FOXN3: variants seen among roughly 807,000 people sequenced by gnomAD.
The protein encoded by FOXN3 is forkhead box N3, also known as forkhead box protein N3.
Under a neutral mutation model 38.4 loss-of-function variants are expected in FOXN3, and 7 were observed. That is an observed-to-expected ratio of 0.18 (90% CI 0.10 to 0.34). The LOEUF is 0.34. FOXN3 is among the 10% of genes least tolerant of loss of function. The probability of loss-of-function intolerance (pLI) is 1.00; values close to 1 mark genes in which losing one functional copy is unlikely to be tolerated. For synonymous variants in FOXN3, 230 were observed against 242.2 expected, an observed-to-expected ratio of 0.95 and a Z score of 0.47; for missense variants, 456 against 613.4, an observed-to-expected ratio of 0.74 and a Z score of 2.71.
At chr14:89,538,526 T>C (rs1894732756) in intron 1 of FOXN3, among the ~76,000 whole-genome samples, 1 of 152,244 alleles carries the variant, frequency 6.6e-6, no homozygotes, top group African/African-American at 2.4e-5. Context: ...TTTCTCTTTT[T>C]TTCTTTTTTA....
At chr14:89,245,476 G>A (rs1374590493) in intron 4 of FOXN3, among the ~76,000 whole-genome samples, 2 of 148,554 alleles carry the variant, frequency 1.3e-5, no homozygotes, top group African/African-American at 2.5e-5. Context: ...AGGCATTGGA[G>A]AAAAAAAAAA....
intron 2 of FOXN3, among the ~76,000 whole-genome samples, chr14:89,374,560 G>A (rs891982570): frequency 3.3e-5 from 5 of 152,056 alleles, no homozygotes; most frequent in Non-Finnish European, 5.9e-5. Context: ...ACAAATTATG[G>A]TATGTTCATA....
intron 1 of FOXN3, among the ~76,000 whole-genome samples, chr14:89,456,479 TGCAGTG>T (rs1892729254): frequency 6.6e-6 from 1 of 151,786 alleles, no homozygotes; most frequent in Non-Finnish European, 1.5e-5. Flanking sequence ...TGAGGCCGGG[TGCAGTG>T]GCTCATGCCT....
At chr14:89,594,713 T>G (rs547774207) in intron 1 of FOXN3, among the ~76,000 whole-genome samples, 1 of 152,188 alleles carries the variant, frequency 6.6e-6, no homozygotes, top group Non-Finnish European at 1.5e-5. Flanking sequence ...AGTCCAATTT[T>G]ATCTGCCTTC....
intron 4 of FOXN3, among the ~76,000 whole-genome samples, chr14:89,261,205 C>T (rs1885789159): frequency 2.6e-5 from 4 of 152,306 alleles, no homozygotes; most frequent in Admixed American, 6.5e-5. Flanking sequence ...CCAAATGGTT[C>T]AGTGGTAGCT....
intron 2 of FOXN3, among the ~76,000 whole-genome samples, chr14:89,409,828 G>A (rs1322290624): frequency 1.3e-5 from 2 of 152,156 alleles, no homozygotes; most frequent in Non-Finnish European, 2.9e-5. Flanking sequence ...AAAAAGCCAA[G>A]TCCAGAGGTG....
intron 3 of FOXN3, among the ~76,000 whole-genome samples, chr14:89,323,435 A>C (rs970910103): frequency 2.7e-5 from 4 of 149,142 alleles, no homozygotes; most frequent in Non-Finnish European, 6.0e-5. Flanking sequence ...GAAGAAGAGG[A>C]CCCGGCTGGG....
At chr14:89,528,041 T>C (rs1894467677) in intron 1 of FOXN3, among the ~76,000 whole-genome samples, 1 of 152,202 alleles carries the variant, frequency 6.6e-6, no homozygotes, top group South Asian at 2.1e-4. Context: ...GTGAAGCAAC[T>C]GGAACTCTCA....
intron 1 of FOXN3, among the ~76,000 whole-genome samples, chr14:89,448,660 G>T (rs1019300091): frequency 1.3e-5 from 2 of 152,008 alleles, no homozygotes; most frequent in South Asian, 2.1e-4. Context: ...AATCCTGGGT[G>T]GGGTGCGGTG....
intron 4 of FOXN3, among the ~76,000 whole-genome samples, chr14:89,247,668 C>G (rs1016565740): frequency 1.3e-5 from 2 of 152,194 alleles, no homozygotes; most frequent in Non-Finnish European, 2.9e-5. Flanking sequence ...AGCCTTGTAA[C>G]TGGATTCCAC....
intron 2 of FOXN3, among the ~76,000 whole-genome samples, chr14:89,382,622 C>T (rs7155494): frequency 6.6e-6 from 1 of 152,228 alleles, no homozygotes; most frequent in Non-Finnish European, 1.5e-5. Context: ...TAGGAAGGAT[C>T]TGAGTTCAGA....
intron 4 of FOXN3, among the ~76,000 whole-genome samples, chr14:89,188,081 G>A (rs536921995): frequency 6.6e-6 from 1 of 152,170 alleles, no homozygotes; most frequent in South Asian, 2.1e-4. Context: ...TTGGCCTGGG[G>A]CTTTCATGAA....
intron 4 of FOXN3, among the ~76,000 whole-genome samples, chr14:89,191,973 T>TATATATATATATATATATATAAAA (rs1481298307): frequency 3.0e-5 from 4 of 135,192 alleles, no homozygotes; most frequent in African/African-American, 1.3e-4. Context: ...CACATATATA[T>TATATATATATATATATATATAAAA]AACTATAATA....
chr14:89,587,639 G>A (rs905579341), intron 1 of FOXN3, among the ~76,000 whole-genome samples: 22 of 152,102 alleles, frequency 1.4e-4, no homozygotes, highest in Admixed American at 4.6e-4. Flanking sequence ...AGGCAGAGGC[G>A]GGCAGATCAC....
intron 2 of FOXN3, among the ~76,000 whole-genome samples, chr14:89,375,232 T>C (rs1472074873): frequency 6.6e-6 from 1 of 152,204 alleles, no homozygotes; most frequent in Admixed American, 6.5e-5. Context: ...AATGGGTATA[T>C]TATTTTTCAC....
chr14:89,536,709 C>T (rs1430162484), intron 1 of FOXN3, among the ~76,000 whole-genome samples: 2 of 151,810 alleles, frequency 1.3e-5, no homozygotes, highest in East Asian at 1.9e-4. Context: ...ACCTGGGAGA[C>T]GGAGGTTGCA....
chr14:89,484,319 G>C lies in FOXN3; in HGVS notation c.-14-71829C>G, dbSNP rs1236157743. On this transcript the variant is annotated intron_variant, in intron 1 of 6. Transcript: ENST00000345097. This position sits in a 1 kb window ranked among gnomAD's most constrained non-coding sequence, Gnocchi z 4.0. ...TAAGCTTTTCCCATAAAAGACCATA[G>C]GGTAAATATTTCATGGTTTCCATTG... 6.6e-6 allele frequency among the ~76,000 whole-genome samples: 1 copy of C among 152,170 alleles called. No homozygotes were observed. Among genetic ancestry groups the C allele is most frequent in the Non-Finnish European group, 1.5e-5 (1 of 68,038 alleles).
intron 1 of FOXN3, among the ~76,000 whole-genome samples, chr14:89,614,565 C>T (rs1483375237): frequency 6.6e-6 from 1 of 152,176 alleles, no homozygotes; most frequent in East Asian, 1.9e-4. Flanking sequence ...TTCTCTCTTT[C>T]GCTAAGAGGT....
chr14:89,293,853 T>C (rs571624752), intron 3 of FOXN3, among the ~76,000 whole-genome samples: 7 of 152,266 alleles, frequency 4.6e-5, no homozygotes, highest in Admixed American at 3.9e-4. Flanking sequence ...TGGCTGTCTT[T>C]TCCTGAATCC....
Sources: gnomAD v4.1 joint callset for allele counts (sites outside exome capture counted in the v4.1 genomes callset) on GRCh38, gnomAD v4.1.1 for gene constraint, Gnocchi (gnomAD v3.1) non-coding constraint, MANE v1.5 for transcripts, NCBI Gene and HGNC (gene_info 2026-07-23, HGNC 2026-07-21) for gene names.